The following STEAP1B variants were observed in gnomAD, a reference collection of about 807,000 sequenced individuals.
The protein encoded by STEAP1B is STEAP family member 1B.
In STEAP1B, 13 loss-of-function variants were observed where a neutral mutation model predicts 27.9. The observed-to-expected ratio is 0.47, with a 90% CI of 0.30 to 0.74. The LOEUF (loss-of-function observed/expected upper bound fraction) is 0.74. STEAP1B is among the 30% of genes least tolerant of loss of function. The probability of loss-of-function intolerance (pLI) is 0.06; values close to 1 mark genes in which losing one functional copy is unlikely to be tolerated. For synonymous variants in STEAP1B, 86 were observed against 107.1 expected (o/e 0.80, Z 1.22); for missense variants, 250 against 298.7 (o/e 0.84, Z 1.20).
chr7:22,460,142 T>A lies in STEAP1B; in HGVS notation c.762+32423A>T, dbSNP rs114428456. ...CCAGGAAACATAGTGAAACCCCGTCTCTACAAAAAAACGTTTTAAAAAGAT... is the reference window on the plus strand; with the variant it reads ...CCAGGAAACATAGTGAAACCCCGTCACTACAAAAAAACGTTTTAAAAAGAT... On this transcript the variant is annotated intron_variant, in intron 4 of 4. Coordinates refer to ENST00000678116, the MANE Select transcript of STEAP1B (RefSeq NM_001382447.1). Among the ~76,000 whole-genome samples the A allele has an allele frequency of 1.4e-3, 210 of 151,876 alleles. 2 individuals carry two copies. Among genetic ancestry groups the A allele is most frequent in the African/African-American group, 4.0e-3 (166 of 41,408 alleles).
intron 2 of STEAP1B, among the ~76,000 whole-genome samples, chr7:22,494,092 C>T (rs1472628189): frequency 7.2e-6 from 1 of 138,310 alleles, no homozygotes; most frequent in African/African-American, 2.8e-5. Flanking sequence ...ATTTTATGCA[C>T]ATTGTTACTC....
chr7:22,424,523 G>T (rs1373231930), intron 4 of STEAP1B, among the ~76,000 whole-genome samples: 4 of 152,120 alleles, frequency 2.6e-5, no homozygotes, highest in Non-Finnish European at 5.9e-5. Flanking sequence ...GGCATGGTGG[G>T]ACAAATCTCC....
chr7:22,419,689 A>G lies in STEAP1B; in HGVS notation c.*115T>C. 2.4e-6 allele frequency: 3 copies of G among 1,227,392 alleles called. No individual in the cohort carries two copies. The highest frequency in any genetic ancestry group is 3.3e-6 in the Non-Finnish European group (3 of 897,632). The allele number at this position is 1,227,392 out of a possible 1,614,324, so 76.0% of individuals were successfully genotyped here. Reference sequence around the variant, plus strand: ...TGACAGAGCAGCCGTCACCTGCAGCATGGCTGTTCATTGTGGCAGAGGGAA... The same window carrying G: ...TGACAGAGCAGCCGTCACCTGCAGCGTGGCTGTTCATTGTGGCAGAGGGAA... On this transcript the variant is annotated 3_prime_UTR_variant, in exon 5 of 5. Transcript: ENST00000678116.
chr7:22,498,165 C>T (rs1034724530), intron 1 of STEAP1B, among the ~76,000 whole-genome samples: 1 of 152,202 alleles, frequency 6.6e-6, no homozygotes, highest in African/African-American at 2.4e-5. Context: ...CAGCCCAGTT[C>T]CTAACAGGAC....
chr7:22,474,028 G>A (rs1222333814), intron 4 of STEAP1B, among the ~76,000 whole-genome samples: 1 of 152,160 alleles, frequency 6.6e-6, no homozygotes, highest in Non-Finnish European at 1.5e-5. Flanking sequence ...AGGTCAAAGG[G>A]GTAATATAAA....
At chr7:22,496,685 A>C (rs1260938020) in intron 1 of STEAP1B, among the ~76,000 whole-genome samples, 6 of 152,230 alleles carry the variant, frequency 3.9e-5, no homozygotes, top group Non-Finnish European at 7.3e-5. Flanking sequence ...TAGGAGCAAG[A>C]GACTATACCA....
intron 4 of STEAP1B, among the ~76,000 whole-genome samples, chr7:22,491,355 A>C (rs73685808): frequency 0.033 from 5,035 of 152,358 alleles, 148 homozygotes; most frequent in African/African-American, 0.077. Context: ...GCCTTTAAGA[A>C]GTTTGCAGTA....
chr7:22,457,661 C>T (rs928601064), intron 4 of STEAP1B, among the ~76,000 whole-genome samples: 8 of 152,246 alleles, frequency 5.3e-5, no homozygotes, highest in African/African-American at 1.7e-4. Context: ...CTAATGCCAG[C>T]GTGCCTTCCT....
At chr7:22,446,079 C>A (rs1785405551) in intron 4 of STEAP1B, among the ~76,000 whole-genome samples, 1 of 152,226 alleles carries the variant, frequency 6.6e-6, no homozygotes. Flanking sequence ...ACTGTAAATG[C>A]AGTTCTGCTG....
chr7:22,428,382 A>T (rs1785135969), intron 4 of STEAP1B, among the ~76,000 whole-genome samples: 1 of 152,172 alleles, frequency 6.6e-6, no homozygotes, highest in African/African-American at 2.4e-5. Context: ...AATGAATTCG[A>T]TCAATGGTTG....
chr7:22,425,943 C>T (rs1350629900), intron 4 of STEAP1B, among the ~76,000 whole-genome samples: 4 of 152,204 alleles, frequency 2.6e-5, no homozygotes, highest in African/African-American at 9.6e-5. Flanking sequence ...CAAAAGTTTC[C>T]TTGGAACCCT....
intron 4 of STEAP1B, among the ~76,000 whole-genome samples, chr7:22,445,467 C>T (rs564416530): frequency 2.0e-5 from 3 of 152,254 alleles, no homozygotes; most frequent in African/African-American, 4.8e-5. Flanking sequence ...TTGTGAGAAC[C>T]GGGCAGGAAC....
intron 4 of STEAP1B, among the ~76,000 whole-genome samples, chr7:22,435,907 C>G (rs756078202): frequency 3.9e-5 from 6 of 152,182 alleles, no homozygotes; most frequent in Non-Finnish European, 8.8e-5. Flanking sequence ...GAATGACTTG[C>G]AGTTTCCTAA....
Position 22,493,795 on chromosome 7 carries a change from C to G in STEAP1B, c.126G>C (p.Val42=), listed in dbSNP as rs1786388601. Residue 42 remains valine (V), a synonymous_variant, in exon 3 of 5, where the codon GTG becomes GTC. Transcript: ENST00000678116. ...GGGCTGTTTGCTGCAAATGCAAAAG[C>G]ACAGGTCTTTTTAGCATGCTGGTCT... ...TGETSMLKRP[V]LLHLQQTAHA... 6.2e-7 allele frequency: 1 copy of G among 1,613,044 alleles called. No homozygotes were observed. Among genetic ancestry groups the G allele is most frequent in the African/African-American group, 1.3e-5 (1 of 74,602 alleles).
chr7:22,419,960 C>T, intron 4 of STEAP1B, 124 bp from the exon 5 acceptor site: 3 of 1,171,342 alleles, frequency 2.6e-6, no homozygotes, highest in Non-Finnish European at 2.3e-6. Context: ...TCTAAAGTCA[C>T]CAGGGAGTCA....
At chr7:22,442,673 A>G in intron 4 of STEAP1B, among the ~76,000 whole-genome samples, 1 of 152,198 alleles carries the variant, frequency 6.6e-6, no homozygotes, top group East Asian at 1.9e-4. Context: ...GGAATCTTAG[A>G]ACATTTTCAG....
At chr7:22,432,057 G>A (rs181262755) in intron 4 of STEAP1B, among the ~76,000 whole-genome samples, 2 of 152,306 alleles carry the variant, frequency 1.3e-5, no homozygotes, top group East Asian at 3.9e-4. Flanking sequence ...GAGATGATTA[G>A]ATCATGGGTA....
chr7:22,448,156 C>T (rs1454411112), intron 4 of STEAP1B, among the ~76,000 whole-genome samples: 1 of 152,192 alleles, frequency 6.6e-6, no homozygotes. Flanking sequence ...TACATATCCT[C>T]TTGAACCTTT....
intron 4 of STEAP1B, among the ~76,000 whole-genome samples, chr7:22,459,293 T>C (rs1785639394): frequency 1.3e-5 from 2 of 152,264 alleles, no homozygotes; most frequent in African/African-American, 2.4e-5. Context: ...AACTTCTTAT[T>C]TGATTTTGCA....
Sources: allele counts gnomAD v4.1 joint callset (sites outside exome capture counted in the v4.1 genomes callset), GRCh38; gene constraint gnomAD v4.1.1; transcripts MANE v1.5; gene names NCBI Gene and HGNC (gene_info 2026-07-23, HGNC 2026-07-21).